The following LRRC4C variants were observed in gnomAD, a reference collection of about 807,000 sequenced individuals.
LRRC4C encodes leucine rich repeat containing 4C.
Under a neutral mutation model 33.6 loss-of-function variants are expected in LRRC4C, and 5 were observed. That is an observed-to-expected ratio of 0.15 (90% CI 0.08 to 0.31). The LOEUF (loss-of-function observed/expected upper bound fraction) is 0.31, where lower values mean the gene tolerates loss of function less well. Ranked by LOEUF, LRRC4C falls within the 10% of genes least tolerant of loss-of-function variation. The pLI is 1.00. For missense variants in LRRC4C, 560 were observed against 796.7 expected, an observed-to-expected ratio of 0.70 and a Z score of 3.58; for synonymous variants, 329 against 302.0, an observed-to-expected ratio of 1.09 and a Z score of -0.93.
At chr11:41,454,465 G>A (rs76022382) in intron 1 of LRRC4C, among the ~76,000 whole-genome samples, 8 of 152,056 alleles carry the variant, frequency 5.3e-5, no homozygotes, top group Admixed American at 6.6e-5. Flanking sequence ...TGATTGTAGC[G>A]CTTGTTCCTG....
At chr11:40,229,487 G>T (rs1427336429) in intron 5 of LRRC4C, among the ~76,000 whole-genome samples, 2 of 152,088 alleles carry the variant, frequency 1.3e-5, no homozygotes, top group African/African-American at 2.4e-5. Context: ...TGGCCGGGCT[G>T]GTCTTGAACT....
chr11:41,117,893 T>C (rs1942222194), intron 1 of LRRC4C, among the ~76,000 whole-genome samples: 3 of 152,162 alleles, frequency 2.0e-5, no homozygotes, highest in Admixed American at 1.3e-4. Flanking sequence ...GATTTAAATA[T>C]TCCATGCACC....
chr11:40,881,894 G>C (rs1955195880), intron 2 of LRRC4C, among the ~76,000 whole-genome samples: 1 of 152,074 alleles, frequency 6.6e-6, no homozygotes, highest in Admixed American at 6.6e-5. Context: ...AGCAAGGCAG[G>C]TACTCTTCTA....
At chr11:40,481,341 A>C (rs918947221) in intron 3 of LRRC4C, among the ~76,000 whole-genome samples, 3 of 152,144 alleles carry the variant, frequency 2.0e-5, no homozygotes, top group Non-Finnish European at 2.9e-5. Context: ...ATCTGTCATT[A>C]ATATTTTATA....
At chr11:40,539,761 T>C (rs1956627791) in intron 3 of LRRC4C, among the ~76,000 whole-genome samples, 1 of 152,140 alleles carries the variant, frequency 6.6e-6, no homozygotes, top group Admixed American at 6.6e-5. Context: ...ACAAACCTCA[T>C]ATAATTTAGG....
intron 1 of LRRC4C, among the ~76,000 whole-genome samples, chr11:41,257,811 C>T (rs994303079): frequency 3.3e-5 from 5 of 152,078 alleles, no homozygotes; most frequent in Non-Finnish European, 5.9e-5. Context: ...TGCCACCTCC[C>T]TGCATCTAGC....
chr11:41,380,849 C>A (rs922449572), intron 1 of LRRC4C, among the ~76,000 whole-genome samples: 13 of 152,070 alleles, frequency 8.5e-5, no homozygotes, highest in Non-Finnish European at 1.5e-4. Context: ...TTTCTCTCTG[C>A]AAAAGGACTA....
intron 2 of LRRC4C, among the ~76,000 whole-genome samples, chr11:40,659,447 C>T (rs1315367475): frequency 6.6e-6 from 1 of 152,112 alleles, no homozygotes; most frequent in Non-Finnish European, 1.5e-5. Context: ...CTACCAATTC[C>T]AGGTGGAGTC....
chr11:40,929,648 T>C (rs1025745344), intron 2 of LRRC4C, among the ~76,000 whole-genome samples: 3 of 152,146 alleles, frequency 2.0e-5, no homozygotes, highest in Non-Finnish European at 4.4e-5. Context: ...AGAGTCTCGC[T>C]CTGTCGCCCA....
chr11:40,888,230 C>T (rs948968524), intron 2 of LRRC4C, among the ~76,000 whole-genome samples: 1 of 151,542 alleles, frequency 6.6e-6, no homozygotes, highest in African/African-American at 2.4e-5. Context: ...TTGTTTTCTC[C>T]CATATAGATA....
intron 1 of LRRC4C, among the ~76,000 whole-genome samples, chr11:41,088,000 A>C (rs1940130636): frequency 6.6e-6 from 1 of 152,172 alleles, no homozygotes; most frequent in East Asian, 1.9e-4. Context: ...ATTCAGTCAC[A>C]AAGAACAGAA....
At chr11:40,127,804 C>T (rs1312031037) in intron 6 of LRRC4C, among the ~76,000 whole-genome samples, 1 of 152,118 alleles carries the variant, frequency 6.6e-6, no homozygotes, top group Non-Finnish European at 1.5e-5. Flanking sequence ...AAATTAGCTT[C>T]TGCATATGGT....
chr11:41,091,333 T>A (rs926710925), intron 1 of LRRC4C, among the ~76,000 whole-genome samples: 1 of 152,094 alleles, frequency 6.6e-6, no homozygotes, highest in Admixed American at 6.6e-5. Flanking sequence ...CCATATGCCA[T>A]TAAAAATAAG....
intron 1 of LRRC4C, among the ~76,000 whole-genome samples, chr11:41,023,802 A>G (rs1451873366): frequency 6.6e-6 from 1 of 151,858 alleles, no homozygotes; most frequent in African/African-American, 2.4e-5. Flanking sequence ...CTTGAGGACT[A>G]CGTTGTAGGG....
chr11:40,525,488 A>C (rs1017695098), intron 3 of LRRC4C, among the ~76,000 whole-genome samples: 1 of 152,126 alleles, frequency 6.6e-6, no homozygotes. Context: ...GGGCAACCCC[A>C]CAATTTACAT....
chr11:41,162,743 C>A (rs1006999067), intron 1 of LRRC4C, among the ~76,000 whole-genome samples: 2 of 152,122 alleles, frequency 1.3e-5, no homozygotes, highest in Admixed American at 1.3e-4. Context: ...ATGGAGCTTG[C>A]AGGACTGAAA....
chr11:41,101,237 T>C (rs557615051), intron 1 of LRRC4C, among the ~76,000 whole-genome samples: 5 of 151,888 alleles, frequency 3.3e-5, no homozygotes, highest in African/African-American at 1.2e-4. Context: ...TAGAAGAAAA[T>C]ATTCCTATCG....
chr11:40,713,737 A>G (rs1330999353), intron 2 of LRRC4C, among the ~76,000 whole-genome samples: 1 of 152,160 alleles, frequency 6.6e-6, no homozygotes, highest in Non-Finnish European at 1.5e-5. Flanking sequence ...GTCTTTAATT[A>G]TATCTGTATT....
intron 1 of LRRC4C, among the ~76,000 whole-genome samples, chr11:40,964,025 GT>G (rs555115509): frequency 0.021 from 3,219 of 149,892 alleles, 34 homozygotes; most frequent in Middle Eastern, 0.045. Flanking sequence ...TCTATGCCTT[GT>G]TTTTTTTTCC....
Sources: gnomAD v4.1 joint callset for allele counts (sites outside exome capture counted in the v4.1 genomes callset) on GRCh38, gnomAD v4.1.1 for gene constraint, MANE v1.5 for transcripts, NCBI Gene and HGNC (gene_info 2026-07-23, HGNC 2026-07-21) for gene names.